Variants in ATP4A observed in about 807,000 individuals in gnomAD.
The protein encoded by ATP4A is potassium-transporting ATPase alpha chain 1.
A neutral mutation model predicts 112.1 loss-of-function variants in ATP4A; 73 were observed. The ratio of observed to expected loss-of-function variants is 0.65; its 90% CI spans 0.54 to 0.79. The LOEUF (loss-of-function observed/expected upper bound fraction) is 0.79, where lower values mean the gene tolerates loss of function less well. Ranked by LOEUF, ATP4A falls within the 30% of genes least tolerant of loss-of-function variation. The pLI is 0.00. For missense variants in ATP4A, 1,081 were observed against 1,425.9 expected (o/e 0.76, Z 3.90); for synonymous variants, 588 against 588.9 (o/e 1.00, Z 0.02).
chr19:35,556,995 A>T lies in ATP4A; in HGVS notation c.1787T>A (p.Phe596Tyr). Residue 596 changes from phenylalanine (F) to tyrosine (Y), a missense_variant, in exon 12 of 22, where the codon TTT becomes TAT. This residue lies in a region of ATP4A where 850 missense variants were observed against 1,068.2 expected (regional missense o/e 0.80). Transcript: ENST00000262623. ...AMNFPSSGLC[F>Y]AGLVSMIDPP... ...GTCAATCATGGATACAAGTCCCGCA[A>T]AGCAGAGGCCGCTAGATGGAAAGTT... 1 of 1,614,194 alleles carries T rather than the reference A, an allele frequency of 6.2e-7. No individual in the cohort carries two copies. Among genetic ancestry groups the T allele is most frequent in the South Asian group, 1.1e-5 (1 of 91,082 alleles).
chr19:35,557,059 C>T lies in ATP4A; in HGVS notation c.1723G>A (p.Asp575Asn), dbSNP rs2071635143. Residue 575 changes from aspartate to asparagine, a missense_variant, in exon 12 of 22, where the codon GAC (aspartate) becomes AAC (asparagine). By Grantham distance (23) the Asp-to-Asn change is conservative. Coordinates refer to ENST00000262623, the MANE Select transcript of ATP4A (RefSeq NM_000704.3). The surrounding 1 kb of genome is among the most constrained non-coding windows in gnomAD (Gnocchi z 4.4). The stretch of plus-strand genomic sequence containing the variant: ...TCGAAGGCATAGCCAGGCGGGTAGT[C>T]CTTCTCATTCAGGTAGAGCTGGCAG... ...GFCQLYLNEK[D>N]YPPGYAFDVE... 2 of 1,614,062 alleles carry T rather than the reference C, an allele frequency of 1.2e-6. No homozygotes were observed. Among genetic ancestry groups the T allele is most frequent in the Non-Finnish European group, 1.7e-6 (2 of 1,180,044 alleles).
Position 35,551,108 on chromosome 19 carries a change from A to T in ATP4A, c.2889T>A (p.Asn963Lys). ...ACACGATGGCGATCACCAGGATCTT[A>T]TTCCTGGGGGTGGGCAGAATGGGAC... is the stretch of plus-strand genomic sequence containing the variant. ...LSAFQQGFFR[N>K]KILVIAIVFQ... Residue 963 changes from asparagine to lysine, a missense_variant, in exon 20 of 22, where the codon AAT becomes AAA. By Grantham distance (94) the Asn-to-Lys change is moderately conservative. This residue lies in a region of ATP4A where 219 missense variants were observed against 320.9 expected (regional missense o/e 0.68). Coordinates refer to ENST00000262623, the MANE Select transcript of ATP4A (RefSeq NM_000704.3). The surrounding 1 kb of genome is among the most constrained non-coding windows in gnomAD (Gnocchi z 5.2). The T allele has an allele frequency of 1.9e-6, 3 of 1,606,482 alleles. No individual in the cohort carries two copies. Among genetic ancestry groups the T allele is most frequent in the Non-Finnish European group, 2.6e-6 (3 of 1,176,394 alleles).
In ATP4A at chr19:35,558,517, C is replaced by T. The variant is rs372417552; in HGVS notation, c.1366-21G>A. The T allele has an allele frequency of 8.8e-6, 14 of 1,590,258 alleles. No individual in the cohort carries two copies. In the African/African-American group the frequency reaches 1.7e-4, roughly 20 times the overall value. Reference sequence around the variant, plus strand: ...ATGCGCTGGGAGCGGGGACCGGTGTCAGGGGCGAAGCCGGCTACACCAGCC... The same window carrying T: ...ATGCGCTGGGAGCGGGGACCGGTGTTAGGGGCGAAGCCGGCTACACCAGCC... On this transcript the variant is annotated intron_variant, in intron 9 of 21. Transcript: ENST00000262623. This position sits in a 1 kb window ranked among gnomAD's most constrained non-coding sequence, Gnocchi z 5.1.
chr19:35,555,893 C>T lies in ATP4A; in HGVS notation c.1870-81G>A. ...CCTCCCTGGGAGACATCTGCTGATA[C>T]ACGTGTTCATTTACTTGACCAAGCG... On this transcript the variant is annotated intron_variant, in intron 12 of 21. Transcript: ENST00000262623. The surrounding 1 kb of genome is among the most constrained non-coding windows in gnomAD (Gnocchi z 6.6). The T allele has an allele frequency of 1.3e-6, 2 of 1,517,136 alleles. No individual in the cohort carries two copies. The highest frequency in any genetic ancestry group is 1.8e-6 in the Non-Finnish European group (2 of 1,128,588). The allele number at this position is 1,517,136 out of a possible 1,614,324, so 94.0% of individuals were successfully genotyped here.
rs981806488 is a variant in ATP4A, at chr19:35,551,915, T to G, written c.2752-335A>C. 2.4e-4 allele frequency among the ~76,000 whole-genome samples: 36 copies of G among 152,202 alleles called. No homozygotes were observed. Among genetic ancestry groups the G allele is most frequent in the Non-Finnish European group, 4.3e-4 (29 of 67,996 alleles). Reference sequence around the variant, plus strand: ...GGGAATTGAAATCCTCAGATGGGATTTGCAAAGTCCAGTGACTCCAGGGGC... The same window carrying G: ...GGGAATTGAAATCCTCAGATGGGATGTGCAAAGTCCAGTGACTCCAGGGGC... On this transcript the variant is annotated intron_variant, in intron 18 of 21. Coordinates refer to ENST00000262623, the MANE Select transcript of ATP4A (RefSeq NM_000704.3). This position sits in a 1 kb window ranked among gnomAD's most constrained non-coding sequence, Gnocchi z 5.2.
chr19:35,560,121 G>A lies in ATP4A; in HGVS notation c.788-48C>T, dbSNP rs773288253. 6.2e-7 allele frequency: 1 copy of A among 1,603,640 alleles called. No individual in the cohort carries two copies. Among genetic ancestry groups the A allele is most frequent in the Non-Finnish European group, 8.5e-7 (1 of 1,174,462 alleles). On this transcript the variant is annotated intron_variant, in intron 6 of 21. Coordinates refer to ENST00000262623, the MANE Select transcript of ATP4A (RefSeq NM_000704.3). This position sits in a 1 kb window ranked among gnomAD's most constrained non-coding sequence, Gnocchi z 5.1. ...CTCAGGGATAGGGGGCGGCAGTGGG[G>A]TGTGCACTGCCGTGTGAGCTGAAGG...
rs1441594116 is a variant in ATP4A at position 35,560,435 on chromosome 19, A to C, written c.715T>G (p.Ser239Ala). ...GGGCTCTCGTGCGTGCACTCGGGTGAGCGGGTCTGTGGCTCAGACTCCCCT... is the reference window on the plus strand; with the variant it reads ...GGGCTCTCGTGCGTGCACTCGGGTGCGCGGGTCTGTGGCTCAGACTCCCCT... The part of the protein sequence containing the change: ...LTGESEPQTR[S>A]PECTHESPLE... The change falls in exon 6 of 22, where the codon TCA (serine) becomes GCA (alanine). Residue 239 changes from serine to alanine, a missense_variant. Transcript: ENST00000262623. The surrounding 1 kb of genome is among the most constrained non-coding windows in gnomAD (Gnocchi z 5.1). 6.2e-7 allele frequency: 1 copy of C among 1,613,930 alleles called. No homozygotes were observed. The highest frequency in any genetic ancestry group is 2.2e-5 in the East Asian group (1 of 44,878).
chr19:35,550,869 TC>T lies in ATP4A; in HGVS notation c.3043del (p.Glu1015ArgfsTer52). The T allele has an allele frequency of 6.2e-7, 1 of 1,614,182 alleles. No individual in the cohort carries two copies. Among genetic ancestry groups the T allele is most frequent in the Non-Finnish European group, 8.5e-7 (1 of 1,180,022 alleles). On this transcript the variant is annotated frameshift_variant, in exon 21 of 22. Coordinates refer to ENST00000262623, the MANE Select transcript of ATP4A (RefSeq NM_000704.3). LOFTEE classifies it high-confidence loss of function. The surrounding 1 kb of genome is among the most constrained non-coding windows in gnomAD (Gnocchi z 4.1). The stretch of plus-strand genomic sequence containing the variant: ...ACAGCGAACTCCAAGCTTCCGGATC[TC>T]ATCATAGACGAAGATGAGGATGCCG... Reference protein sequence around the residue: ...PYGILIFVYDEIRKLGVRCCP... With the variant: ...PYGILIFVYDXIRKLGVRCCP...
Position 35,551,189 on chromosome 19 carries a change from G to C in ATP4A, c.2886-78C>G. On this transcript the variant is annotated intron_variant, in intron 19 of 21. Coordinates refer to ENST00000262623, the MANE Select transcript of ATP4A (RefSeq NM_000704.3). The surrounding 1 kb of genome is among the most constrained non-coding windows in gnomAD (Gnocchi z 5.2). ...ATCAGGATACTGTGGGTCAAAGTAG[G>C]TCAGATGTCAGCAGCAGCAGGGAGG... 1 of 1,407,246 alleles carries C rather than the reference G, an allele frequency of 7.1e-7. No homozygotes were observed. The highest frequency in any genetic ancestry group is 9.8e-7 in the Non-Finnish European group (1 of 1,017,962). 87.2% of individuals were successfully genotyped at this position (1,407,246 alleles called of 1,614,324 possible).
At position 35,550,930 on chromosome 19, in the gene ATP4A, A is replaced by G; in HGVS notation, c.2988-5T>C. On this transcript the variant is annotated splice_region_variant and splice_polypyrimidine_tract_variant and intron_variant, in intron 20 of 21. Coordinates refer to ENST00000262623, the MANE Select transcript of ATP4A (RefSeq NM_000704.3). The surrounding 1 kb of genome is among the most constrained non-coding windows in gnomAD (Gnocchi z 4.1). ...GGGACCAGCCACCACTGGAACCTGA[A>G]GGCACATGGCAAGGTGAAGGCCATC... is the stretch of plus-strand genomic sequence containing the variant. 1 of 1,614,102 alleles carries G rather than the reference A, an allele frequency of 6.2e-7. No homozygotes were observed. Among genetic ancestry groups the G allele is most frequent in the Non-Finnish European group, 8.5e-7 (1 of 1,179,946 alleles).
Position 35,553,763 on chromosome 19 carries a change from G to C in ATP4A, c.2548C>G (p.Pro850Ala), listed in dbSNP as rs756604066. ...SDIMHLRPRN[P>A]KRDRLVNEPL... ...TCGTTGACCAATCTGTCACGCTTTG[G>C]GTTGCGTGGACGCAGGTGCATGATG... The change falls in exon 17 of 22, where the codon CCA becomes GCA. Residue 850 changes from proline to alanine, a missense_variant. Coordinates refer to ENST00000262623, the MANE Select transcript of ATP4A (RefSeq NM_000704.3). 6.2e-7 allele frequency: 1 copy of C among 1,612,360 alleles called. No individual in the cohort carries two copies.
chr19:35,550,643 C>T lies in ATP4A; in HGVS notation c.3080G>A (p.Ser1027Asn). 1.2e-6 allele frequency: 2 copies of T among 1,613,832 alleles called. No homozygotes were observed. The highest frequency in any genetic ancestry group is 1.7e-6 in the Non-Finnish European group (2 of 1,179,842). The change falls in exon 22 of 22, where the codon AGC becomes AAC. Residue 1027 changes from serine (S) to asparagine (N), a missense_variant and splice_region_variant. By Grantham distance (46) the Ser-to-Asn change is conservative. Transcript: ENST00000262623. This position sits in a 1 kb window ranked among gnomAD's most constrained non-coding sequence, Gnocchi z 4.1. ...ATAGTAGAGTTCCTGGTCCCACCAG[C>T]CTGGGAGAGAGAGGGAGAAAGGAGA... ...RKLGVRCCPG[S>N]WWDQELYY is the part of the protein sequence containing the mutation.
chr19:35,557,549 A>G lies in ATP4A; in HGVS notation c.1693+106T>C. The G allele has an allele frequency of 7.5e-7, 1 of 1,341,314 alleles. No individual in the cohort carries two copies. The highest frequency in any genetic ancestry group is 1.4e-5 in the South Asian group (1 of 69,314). The allele number at this position is 1,341,314 out of a possible 1,614,324, so 83.1% of individuals were successfully genotyped here. ...GGCTGTGGACTGCGACAAATCAGCC[A>G]GCAGCCAGGGATGAGGACGGTCAGG... On this transcript the variant is annotated intron_variant, in intron 11 of 21. Coordinates refer to ENST00000262623, the MANE Select transcript of ATP4A (RefSeq NM_000704.3). This position sits in a 1 kb window ranked among gnomAD's most constrained non-coding sequence, Gnocchi z 4.4.
At chr19:35,553,947 C>T in intron 16 of ATP4A, 118 bp from the exon 17 acceptor site, 1 of 1,402,760 alleles carries the variant, frequency 7.1e-7, no homozygotes, top group Non-Finnish European at 9.5e-7. Flanking sequence ...GCAGGCAGGA[C>T]CTGCAGGGAC....
At position 35,555,489 on chromosome 19, in the gene ATP4A, C is replaced by T. The variant is rs770565807; in HGVS notation, c.2108G>A (p.Arg703His). 1.4e-5 allele frequency: 23 copies of T among 1,609,800 alleles called. No individual in the cohort carries two copies. Among genetic ancestry groups the T allele is most frequent in the East Asian group, 2.2e-5 (1 of 44,796 alleles). ...LRTHPEMVFA[R>H]TSPQQKLVIV... ...CACCAGCTTCTGCTGGGGGCTGGTG[C>T]GCGCAAACACCATCTCGGGGTGGGT... Residue 703 changes from arginine to histidine, a missense_variant, in exon 14 of 22, where the codon CGC (arginine) becomes CAC (histidine). Around this residue, in one of 3 missense-constraint regions of ATP4A, gnomAD observed 850 missense variants for 1,068.2 expected, o/e 0.80. Coordinates refer to ENST00000262623, the MANE Select transcript of ATP4A (RefSeq NM_000704.3). This position sits in a 1 kb window ranked among gnomAD's most constrained non-coding sequence, Gnocchi z 6.6.
rs965120349 is a variant in ATP4A, at chr19:35,550,619, T to C, written c.3104A>G (p.Tyr1035Cys). The stretch of plus-strand genomic sequence containing the variant: ...TGCTTGAAGGCAGTCGTCCCTCTAA[T>C]AGTAGAGTTCCTGGTCCCACCAGCC... Reference protein sequence around the residue: ...PGSWWDQELYY With the variant: ...PGSWWDQELYC Residue 1035 changes from tyrosine to cysteine, a missense_variant, in exon 22 of 22, where the codon TAT (tyrosine) becomes TGT (cysteine). Tyr to Cys is a radical substitution (Grantham distance 194, BLOSUM62 -2). This residue lies in a region of ATP4A where 219 missense variants were observed against 320.9 expected (regional missense o/e 0.68). Transcript: ENST00000262623. The surrounding 1 kb of genome is among the most constrained non-coding windows in gnomAD (Gnocchi z 4.1). 1.2e-6 allele frequency: 2 copies of C among 1,613,654 alleles called. No individual in the cohort carries two copies. Among genetic ancestry groups the C allele is most frequent in the Non-Finnish European group, 1.7e-6 (2 of 1,179,792 alleles).
intron 17 of ATP4A, 117 bp from the exon 18 acceptor site, chr19:35,553,299 CAG>C: frequency 3.3e-6 from 4 of 1,221,990 alleles, no homozygotes; most frequent in Non-Finnish European, 4.5e-6. Context: ...GACACACAGA[CAG>C]GGACACGGGA....
chr19:35,562,456 C>T lies in ATP4A; in HGVS notation c.399G>A (p.Gly133=), dbSNP rs754590076. 1.2e-6 allele frequency: 2 copies of T among 1,614,034 alleles called. No homozygotes were observed. Among genetic ancestry groups the T allele is most frequent in the East Asian group, 4.5e-5 (2 of 44,886 alleles). Residue 133 remains glycine, a synonymous_variant, in exon 4 of 22, where the codon GGG becomes GGA. Transcript: ENST00000262623. ...LIAFAIQASE[G]DLTTDDNLYL... Reference sequence around the variant, plus strand: ...TCACATTGTCGTCGGTGGTGAGGTCCCCCTCACTAGCCTGGATGGCAAAGG... The same window carrying T: ...TCACATTGTCGTCGGTGGTGAGGTCTCCCTCACTAGCCTGGATGGCAAAGG...
intron 17 of ATP4A, 31 bp from the exon 18 acceptor site, chr19:35,553,213 A>T: frequency 6.3e-7 from 1 of 1,575,980 alleles, no homozygotes; most frequent in Non-Finnish European, 8.7e-7. Context: ...ACAGGGAGAC[A>T]GAGATGGACA....
Sources: allele counts gnomAD v4.1 joint callset (sites outside exome capture counted in the v4.1 genomes callset), GRCh38; gene constraint gnomAD v4.1.1; regional missense constraint gnomAD v4.1.1; non-coding constraint Gnocchi (gnomAD v3.1); transcripts MANE v1.5; gene names NCBI Gene and HGNC (gene_info 2026-07-23, HGNC 2026-07-21).